Variants in TNKS1BP1 observed in about 807,000 individuals in gnomAD.
The protein encoded by TNKS1BP1 is CCR4-NOT transcription complex subunit 12, also known as 182 kDa tankyrase-1-binding protein.
Under a neutral mutation model 141.1 loss-of-function variants are expected in TNKS1BP1, and 48 were observed. The observed-to-expected ratio is 0.34, with a 90% CI of 0.27 to 0.43. TNKS1BP1 has a LOEUF of 0.43. Among genes scored for constraint, TNKS1BP1 ranks in the 20% least tolerant of loss-of-function variants. The pLI, the probability that TNKS1BP1 is intolerant of heterozygous loss-of-function variation, is 1.00. For missense variants in TNKS1BP1, 2,149 were observed against 2,226.0 expected (o/e 0.97, Z 0.70); for synonymous variants, 875 against 898.2 (o/e 0.97, Z 0.46).
At position 57,313,660 on chromosome 11, in the gene TNKS1BP1, A is replaced by T; in HGVS notation, c.1028T>A (p.Leu343Gln). The change falls in exon 5 of 12, where the codon CTG (leucine) becomes CAG (glutamine). Residue 343 changes from leucine to glutamine, a missense_variant. Transcript: ENST00000358252. ...AVTPSAPSAA[L>Q]PDEGSRHTPS... is the part of the protein sequence containing the mutation. Reference sequence around the variant, plus strand: ...GGTGTGGCGGGAGCCCTCGTCAGGCAGGGCTGCACTTGGAGCTGATGGAGT... The same window carrying T: ...GGTGTGGCGGGAGCCCTCGTCAGGCTGGGCTGCACTTGGAGCTGATGGAGT... 1 of 1,562,364 alleles carries T rather than the reference A, an allele frequency of 6.4e-7. No homozygotes were observed. Among genetic ancestry groups the T allele is most frequent in the Non-Finnish European group, 8.7e-7 (1 of 1,153,286 alleles).
chr11:57,314,906 C>A (rs1855774976), intron 4 of TNKS1BP1, among the ~76,000 whole-genome samples: 1 of 152,184 alleles, frequency 6.6e-6, no homozygotes, highest in South Asian at 2.1e-4. Context: ...CTGTTCCCTC[C>A]ATGCTCACTC....
intron 6 of TNKS1BP1, among the ~76,000 whole-genome samples, chr11:57,306,282 T>A (rs1855608198): frequency 1.3e-5 from 1 of 75,244 alleles, no homozygotes. Flanking sequence ...CAAGACTCCG[T>A]TTCAAAAAAA....
At position 57,309,924 on chromosome 11, in the gene TNKS1BP1, C is replaced by T. The variant is rs1044807110; in HGVS notation, c.2787G>A (p.Glu929=). The change falls in exon 6 of 12, where the codon GAG becomes GAA. Residue 929 remains glutamate, a synonymous_variant. Transcript: ENST00000358252. This position sits in a 1 kb window ranked among gnomAD's most constrained non-coding sequence, Gnocchi z 4.3. ...SSQDADEQDW[E]FQKRDVSLGT... ...CGAGTGACACATCTCTCTTCTGAAA[C>T]TCCCAGTCCTGCTCATCGGCATCCT... The T allele has an allele frequency of 7.4e-6, 12 of 1,614,108 alleles. No individual in the cohort carries two copies. Among genetic ancestry groups the T allele is most frequent in the Admixed American group, 6.7e-5 (4 of 60,006 alleles).
In TNKS1BP1 at chr11:57,310,438, A is replaced by G; in HGVS notation, c.2273T>C (p.Leu758Pro). 1 of 1,613,816 alleles carries G rather than the reference A, an allele frequency of 6.2e-7. No individual in the cohort carries two copies. The highest frequency in any genetic ancestry group is 1.6e-4 in the Middle Eastern group (1 of 6,062). Residue 758 changes from leucine (L) to proline (P), a missense_variant, in exon 6 of 12, where the codon CTT becomes CCT. Leu to Pro is a moderately conservative substitution (Grantham distance 98). Coordinates refer to ENST00000358252, the MANE Select transcript of TNKS1BP1 (RefSeq NM_033396.3). ...GTCTCCTCTAGGGCTTGCACCCCCA[A>G]GGCCATAGTCCTGAGAAGCACCTTG... ...WCQGASQDYG[L>P]GGASPRGDPG... is the part of the protein sequence containing the mutation.
At chr11:57,310,837 G>A (rs1315110908) in intron 5 of TNKS1BP1, among the ~76,000 whole-genome samples, 2 of 152,188 alleles carry the variant, frequency 1.3e-5, no homozygotes, top group Non-Finnish European at 2.9e-5. Flanking sequence ...GCACTCAATC[G>A]ATGGTCCCAT....
chr11:57,309,775 G>C lies in TNKS1BP1; in HGVS notation c.2936C>G (p.Thr979Arg). ...TLDAQDRSFG[T>R]RPLSSGFSPE... Reference sequence around the variant, plus strand: ...GCTGAACCCAGAGCTCAGGGGTCTCGTTCCAAAGCTTCTGTCCTGGGCGTC... The same window carrying C: ...GCTGAACCCAGAGCTCAGGGGTCTCCTTCCAAAGCTTCTGTCCTGGGCGTC... The change falls in exon 6 of 12, where the codon ACG becomes AGG. Residue 979 changes from threonine (T) to arginine (R), a missense_variant. Physicochemically the swap from Thr to Arg is moderately conservative, Grantham distance 71. Coordinates refer to ENST00000358252, the MANE Select transcript of TNKS1BP1 (RefSeq NM_033396.3). This position sits in a 1 kb window ranked among gnomAD's most constrained non-coding sequence, Gnocchi z 4.3. 6.2e-7 allele frequency: 1 copy of C among 1,614,172 alleles called. No homozygotes were observed. The highest frequency in any genetic ancestry group is 1.1e-5 in the South Asian group (1 of 91,078).
At chr11:57,306,186 G>A (rs1426166624) in intron 6 of TNKS1BP1, among the ~76,000 whole-genome samples, 3 of 151,784 alleles carry the variant, frequency 2.0e-5, no homozygotes, top group Non-Finnish European at 4.4e-5. Context: ...GCTGAGGCAG[G>A]AGAATCGCTT....
chr11:57,305,538 C>T (rs758025493), intron 6 of TNKS1BP1, among the ~76,000 whole-genome samples: 2 of 152,068 alleles, frequency 1.3e-5, no homozygotes, highest in Non-Finnish European at 2.9e-5. Flanking sequence ...ACGTGAATAT[C>T]CCAGTGTTCT....
rs34069781 is a variant in TNKS1BP1, at chr11:57,301,901, A to G, written c.4877T>C (p.Val1626Ala). The change falls in exon 9 of 12, where the codon GTG becomes GCG. Residue 1626 changes from valine (V) to alanine (A), a missense_variant. Val to Ala is a moderately conservative substitution (Grantham distance 64, BLOSUM62 0). Coordinates refer to ENST00000358252, the MANE Select transcript of TNKS1BP1 (RefSeq NM_033396.3). ...SRVPSSDEEV[V>A]EEPQSRRTRM... ...TGTCCGGCGGCTCTGAGGTTCCTCC[A>G]CTACCTCTTCATCTGAAGATGGCAC... is the stretch of plus-strand genomic sequence containing the variant. 0.043 allele frequency: 69,741 copies of G among 1,613,994 alleles called. 1,837 individuals carry two copies. The highest frequency in any genetic ancestry group is 0.047 in the South Asian group (4,308 of 91,068).
At position 57,312,867 on chromosome 11, in the gene TNKS1BP1, G is replaced by A; in HGVS notation, c.1821C>T (p.Thr607=). The A allele has an allele frequency of 6.2e-7, 1 of 1,608,518 alleles. No individual in the cohort carries two copies. Among genetic ancestry groups the A allele is most frequent in the Non-Finnish European group, 8.5e-7 (1 of 1,176,782 alleles). The change falls in exon 5 of 12, where the codon ACC becomes ACT. Residue 607 remains threonine, a synonymous_variant. Coordinates refer to ENST00000358252, the MANE Select transcript of TNKS1BP1 (RefSeq NM_033396.3). The stretch of plus-strand genomic sequence containing the variant: ...CCAGGATGGGCAAGGCTGCCTCCCT[G>A]GTAGCCAGGGGGAGAGGGGACTCCT... ...AGQESPLPLA[T]REAALPILEP...
intron 4 of TNKS1BP1, among the ~76,000 whole-genome samples, chr11:57,316,593 G>A (rs1241397780): frequency 6.6e-6 from 1 of 152,132 alleles, no homozygotes; most frequent in Non-Finnish European, 1.5e-5. Flanking sequence ...AAAAGCCGTG[G>A]GGTCACCCTT....
intron 1 of TNKS1BP1, among the ~76,000 whole-genome samples, chr11:57,324,045 C>T (rs1855924571): frequency 6.6e-6 from 1 of 152,124 alleles, no homozygotes; most frequent in Non-Finnish European, 1.5e-5. Context: ...TGAGCACTCC[C>T]CACCCTCAAG....
At chr11:57,303,198 T>G in intron 6 of TNKS1BP1, 1 of 192,042 alleles carries the variant, frequency 5.2e-6, no homozygotes, top group Non-Finnish European at 1.1e-5. Context: ...ATGCTAGCAA[T>G]GTGTTCCCTC....
At chr11:57,320,841 A>T (rs1271494261) in intron 2 of TNKS1BP1, 129 bp from the exon 3 acceptor site, 7 of 1,083,034 alleles carry the variant, frequency 6.5e-6, no homozygotes, top group Non-Finnish European at 8.8e-6. Context: ...GGCACAAGTC[A>T]TATGCCACCT....
chr11:57,302,589 G>C lies in TNKS1BP1; in HGVS notation c.4553C>G (p.Thr1518Arg), dbSNP rs750144019. The change falls in exon 7 of 12, where the codon ACA (threonine) becomes AGA (arginine). Residue 1518 changes from threonine (T) to arginine (R), a missense_variant. Coordinates refer to ENST00000358252, the MANE Select transcript of TNKS1BP1 (RefSeq NM_033396.3). This position sits in a 1 kb window ranked among gnomAD's most constrained non-coding sequence, Gnocchi z 5.5. Reference sequence around the variant, plus strand: ...GCCCCAGGTGCCATCCACGTCTTCTGTCTGGCTGGCCTCACCATCAGGCTG... The same window carrying C: ...GCCCCAGGTGCCATCCACGTCTTCTCTCTGGCTGGCCTCACCATCAGGCTG... ...RPQPDGEASQ[T>R]EDVDGTWGSS... The C allele has an allele frequency of 8.7e-6, 14 of 1,612,880 alleles. No homozygotes were observed. The highest frequency in any genetic ancestry group is 6.7e-5 in the Admixed American group (4 of 59,998).
At position 57,320,673 on chromosome 11, in the gene TNKS1BP1, C is replaced by G; in HGVS notation, c.134G>C (p.Arg45Pro). Residue 45 changes from arginine (R) to proline (P), a missense_variant, in exon 3 of 12, where the codon CGG (arginine) becomes CCG (proline). Coordinates refer to ENST00000358252, the MANE Select transcript of TNKS1BP1 (RefSeq NM_033396.3). ...CAGGGCTGGCTTGGCAGGCAGGGCCCGGGGTTTGGGCTTGACAGGGGGTTT... is the reference window on the plus strand; with the variant it reads ...CAGGGCTGGCTTGGCAGGCAGGGCCGGGGGTTTGGGCTTGACAGGGGGTTT... ...RAKPPVKPKP[R>P]ALPAKPALPA... 6.2e-7 allele frequency: 1 copy of G among 1,608,674 alleles called. No homozygotes were observed. The highest frequency in any genetic ancestry group is 1.1e-5 in the South Asian group (1 of 90,730).
chr11:57,302,315 G>T lies in TNKS1BP1; in HGVS notation c.4684-91C>A. The stretch of plus-strand genomic sequence containing the variant: ...GCTGACCAGGAGCTGGACCCCTCCT[G>T]CAGCCGGAGCTTCACGTTCACGTGA... On this transcript the variant is annotated intron_variant, in intron 7 of 11. Transcript: ENST00000358252. The surrounding 1 kb of genome is among the most constrained non-coding windows in gnomAD (Gnocchi z 5.5). 1 of 1,542,452 alleles carries T rather than the reference G, an allele frequency of 6.5e-7. No individual in the cohort carries two copies.
At position 57,321,824 on chromosome 11, in the gene TNKS1BP1, T is replaced by C; in HGVS notation, c.62A>G (p.Glu21Gly). Residue 21 changes from glutamate (E) to glycine (G), a missense_variant, in exon 2 of 12, where the codon GAG becomes GGG. Transcript: ENST00000358252. Reference protein sequence around the residue: ...AMASPLPREMEEELVPTGSEP... With the variant: ...AMASPLPREMGEELVPTGSEP... Reference sequence around the variant, plus strand: ...AGAGCCAGTAGGCACCAGCTCCTCCTCCATCTCCCGGGGCAGTGGGGAAGC... The same window carrying C: ...AGAGCCAGTAGGCACCAGCTCCTCCCCCATCTCCCGGGGCAGTGGGGAAGC... 1.3e-6 allele frequency: 2 copies of C among 1,539,292 alleles called. No homozygotes were observed. Among genetic ancestry groups the C allele is most frequent in the Non-Finnish European group, 1.8e-6 (2 of 1,131,788 alleles).
Position 57,313,381 on chromosome 11 carries a change from G to C in TNKS1BP1, c.1307C>G (p.Pro436Arg). 1 of 1,612,546 alleles carries C rather than the reference G, an allele frequency of 6.2e-7. No homozygotes were observed. Among genetic ancestry groups the C allele is most frequent in the East Asian group, 2.2e-5 (1 of 44,866 alleles). Reference sequence around the variant, plus strand: ...CCCCAGCTTCTCCTGGTCCTGACTGGGTGACTGGAGCACACCTTCAGAGAA... The same window carrying C: ...CCCCAGCTTCTCCTGGTCCTGACTGCGTGACTGGAGCACACCTTCAGAGAA... ...RRFSEGVLQSPSQDQEKLGGS... is the reference protein window; with the variant it reads ...RRFSEGVLQSRSQDQEKLGGS... The change falls in exon 5 of 12, where the codon CCC becomes CGC. Residue 436 changes from proline to arginine, a missense_variant. By Grantham distance (103) the Pro-to-Arg change is moderately radical. Transcript: ENST00000358252.
Sources: gnomAD v4.1 joint callset for allele counts (sites outside exome capture counted in the v4.1 genomes callset) on GRCh38, gnomAD v4.1.1 for gene constraint, Gnocchi (gnomAD v3.1) non-coding constraint, MANE v1.5 for transcripts, NCBI Gene and HGNC (gene_info 2026-07-23, HGNC 2026-07-21) for gene names.